MED13L: variants seen among roughly 807,000 people sequenced by gnomAD.
The protein encoded by MED13L is mediator of RNA polymerase II transcription subunit 13-like.
A neutral mutation model predicts 220.9 loss-of-function variants in MED13L; 7 were observed. That is an observed-to-expected ratio of 0.03 (90% CI 0.02 to 0.06). The LOEUF (loss-of-function observed/expected upper bound fraction) is 0.06, where lower values mean the gene tolerates loss of function less well. Among genes scored for constraint, MED13L ranks in the 10% least tolerant of loss-of-function variants. The pLI, the probability that MED13L is intolerant of heterozygous loss-of-function variation, is 1.00. For synonymous variants in MED13L, 1,011 were observed against 1,015.2 expected (o/e 1.00, Z 0.08); for missense variants, 1,965 against 2,760.5 (o/e 0.71, Z 6.46).
At chr12:116,182,211 T>C (rs1880576374) in intron 2 of MED13L, among the ~76,000 whole-genome samples, 2 of 152,186 alleles carry the variant, frequency 1.3e-5, no homozygotes, top group Admixed American at 6.5e-5. Flanking sequence ...TGAATATGGT[T>C]AGAAAAAAAC....
intron 4 of MED13L, among the ~76,000 whole-genome samples, chr12:116,068,172 G>C (rs1372946466): frequency 6.6e-6 from 1 of 152,130 alleles, no homozygotes; most frequent in Non-Finnish European, 1.5e-5. Flanking sequence ...GGTTCTTCGT[G>C]AATCTAGCAC....
At chr12:116,147,929 C>A (rs1877671563) in intron 2 of MED13L, among the ~76,000 whole-genome samples, 2 of 150,434 alleles carry the variant, frequency 1.3e-5, no homozygotes, top group Middle Eastern at 3.2e-3. Context: ...CACCTGTAAT[C>A]CCAGCTACTT....
chr12:116,208,586 C>G (rs1882501866), intron 2 of MED13L, among the ~76,000 whole-genome samples: 2 of 152,196 alleles, frequency 1.3e-5, no homozygotes, highest in Non-Finnish European at 2.9e-5. Context: ...TAAATCACAC[C>G]TGTCATTTCA....
chr12:116,106,958 C>T (rs1419158710), intron 3 of MED13L, among the ~76,000 whole-genome samples: 1 of 152,026 alleles, frequency 6.6e-6, no homozygotes, highest in Non-Finnish European at 1.5e-5. Flanking sequence ...AAAGGTAATA[C>T]CAATACTTCT....
intron 28 of MED13L, among the ~76,000 whole-genome samples, chr12:115,968,161 T>C (rs1261798597): frequency 4.2e-5 from 6 of 142,150 alleles, no homozygotes; most frequent in South Asian, 2.2e-4. Context: ...ATACCAGACA[T>C]AGCTATTTTT....
chr12:116,277,181 T>C lies in MED13L; in HGVS notation c.-50A>G. 7.1e-7 allele frequency: 1 copy of C among 1,403,056 alleles called. No individual in the cohort carries two copies. Among genetic ancestry groups the C allele is most frequent in the Non-Finnish European group, 9.5e-7 (1 of 1,054,968 alleles). The allele number at this position is 1,403,056 out of a possible 1,614,324, so 86.9% of individuals were successfully genotyped here. A position where few individuals can be genotyped will look rare whatever the true frequency, so the allele number is the denominator to read the frequency against. On this transcript the variant is annotated 5_prime_UTR_variant, in exon 1 of 31. Coordinates refer to ENST00000281928, the MANE Select transcript of MED13L (RefSeq NM_015335.5). ...GAGCGGGGCATGTCGGAGCGAGGCG[T>C]CCGAGGCGAGGCCGGGCCGGGCGGC...
intron 2 of MED13L, among the ~76,000 whole-genome samples, chr12:116,180,905 C>G (rs567679622): frequency 6.7e-6 from 1 of 149,978 alleles, no homozygotes; most frequent in African/African-American, 2.4e-5. Context: ...TTCTGAGGAA[C>G]TTGAAAATGA....
intron 2 of MED13L, among the ~76,000 whole-genome samples, chr12:116,144,314 T>TC (rs1877309576): frequency 6.6e-6 from 1 of 152,086 alleles, no homozygotes; most frequent in Non-Finnish European, 1.5e-5. Flanking sequence ...TCCTCAAATT[T>TC]CCCCCATCTC....
intron 4 of MED13L, among the ~76,000 whole-genome samples, chr12:116,054,299 T>A (rs1868766741): frequency 6.6e-6 from 1 of 152,020 alleles, no homozygotes; most frequent in African/African-American, 2.4e-5. Flanking sequence ...CAAATCCCAC[T>A]CCAGAAAATA....
chr12:116,248,976 C>A (rs1007487590), intron 1 of MED13L, among the ~76,000 whole-genome samples: 1 of 152,166 alleles, frequency 6.6e-6, no homozygotes, highest in African/African-American at 2.4e-5. Flanking sequence ...CCTACAAAGG[C>A]CAAGACAGCT....
chr12:116,138,405 A>G (rs568886530), intron 2 of MED13L, among the ~76,000 whole-genome samples: 1 of 152,198 alleles, frequency 6.6e-6, no homozygotes, highest in Non-Finnish European at 1.5e-5. Flanking sequence ...TGAAGCTGTA[A>G]AGAAAGTGAA....
rs1876844333 is a variant in MED13L, at chr12:115,975,086, AC to A, written c.5731+84del. 3 of 1,359,474 alleles carry A rather than the reference AC, an allele frequency of 2.2e-6. No homozygotes were observed. In the Admixed American group the frequency reaches 5.1e-5, roughly 23 times the overall value. 84.2% of individuals were successfully genotyped at this position (1,359,474 alleles called of 1,614,324 possible). On this transcript the variant is annotated intron_variant, in intron 25 of 30. Coordinates refer to ENST00000281928, the MANE Select transcript of MED13L (RefSeq NM_015335.5). ...ATCTGTTTAATTCTTACAAATTTAA[AC>A]ATTTTCTCCCTTAGCTCAGTTAATG...
At chr12:116,040,336 T>C (rs1566025364) in intron 4 of MED13L, among the ~76,000 whole-genome samples, 2 of 152,210 alleles carry the variant, frequency 1.3e-5, no homozygotes, top group Non-Finnish European at 1.5e-5. Context: ...AGTTATAAGA[T>C]ACTATTTGAA....
chr12:116,214,420 T>TA (rs1882882647), intron 2 of MED13L, among the ~76,000 whole-genome samples: 1 of 152,048 alleles, frequency 6.6e-6, no homozygotes, highest in Admixed American at 6.6e-5. Context: ...TCTCTTCACT[T>TA]AGACAAAAAG....
At chr12:116,129,622 G>A (rs1169137619) in intron 2 of MED13L, among the ~76,000 whole-genome samples, 3 of 150,742 alleles carry the variant, frequency 2.0e-5, no homozygotes, top group Non-Finnish European at 3.0e-5. Context: ...GAAATGATCA[G>A]CACAGGCCGG....
At chr12:116,187,392 A>G (rs1456329130) in intron 2 of MED13L, among the ~76,000 whole-genome samples, 1 of 152,208 alleles carries the variant, frequency 6.6e-6, no homozygotes, top group African/African-American at 2.4e-5. Flanking sequence ...TGCTTTAAAC[A>G]AAGCCTGACA....
At chr12:115,966,343 C>T (rs1185205891) in intron 28 of MED13L, 100 bp from the exon 29 acceptor site, 10 of 1,345,034 alleles carry the variant, frequency 7.4e-6, no homozygotes, top group South Asian at 7.2e-5. Context: ...GAGTGATCCC[C>T]TTTGTGGCAG....
At chr12:116,232,773 G>A (rs1869687662) in intron 2 of MED13L, among the ~76,000 whole-genome samples, 1 of 152,098 alleles carries the variant, frequency 6.6e-6, no homozygotes, top group Admixed American at 6.6e-5. Flanking sequence ...GTGAATTGGC[G>A]AGAATATTGT....
chr12:116,195,614 C>T (rs1166297352), intron 2 of MED13L, among the ~76,000 whole-genome samples: 2 of 151,994 alleles, frequency 1.3e-5, no homozygotes, highest in Non-Finnish European at 2.9e-5. Context: ...ACCACACCAG[C>T]TAATTTTTGT....
Sources: gnomAD v4.1 joint callset for allele counts (sites outside exome capture counted in the v4.1 genomes callset) on GRCh38, gnomAD v4.1.1 for gene constraint, MANE v1.5 for transcripts, NCBI Gene and HGNC (gene_info 2026-07-23, HGNC 2026-07-21) for gene names.